The following MBD1 variants were observed in gnomAD, a reference collection of about 807,000 sequenced individuals.
MBD1 encodes methyl-CpG-binding domain protein 1.
A neutral mutation model predicts 82.6 loss-of-function variants in MBD1; 25 were observed. The ratio of observed to expected loss-of-function variants is 0.30; its 90% CI spans 0.22 to 0.42. The LOEUF (loss-of-function observed/expected upper bound fraction) is 0.42. Ranked by LOEUF, MBD1 falls within the 10% of genes least tolerant of loss-of-function variation. The probability of loss-of-function intolerance (pLI) is 1.00; values close to 1 mark genes in which losing one functional copy is unlikely to be tolerated. For synonymous variants in MBD1, 301 were observed against 303.7 expected (o/e 0.99, Z 0.09); for missense variants, 627 against 819.6 (o/e 0.76, Z 2.87).
intron 16 of MBD1, chr18:50,271,268 A>G (rs978461149): frequency 7.0e-7 from 1 of 1,435,982 alleles, no homozygotes; most frequent in Admixed American, 2.8e-5. Flanking sequence ...GGAGGAGAAG[A>G]TGCACCAACT....
At chr18:50,270,383 AG>A (rs1223388778) in intron 16 of MBD1, 2 of 542,320 alleles carry the variant, frequency 3.7e-6, no homozygotes, top group African/African-American at 3.7e-5. Context: ...GAATTGGGAG[AG>A]AGTGAGGTAG....
Position 50,273,598 on chromosome 18 carries a change from C to G in MBD1, c.1412G>C (p.Gly471Ala). 6.2e-7 allele frequency: 1 copy of G among 1,613,002 alleles called. No homozygotes were observed. The highest frequency in any genetic ancestry group is 8.5e-7 in the Non-Finnish European group (1 of 1,179,986). The change falls in exon 12 of 17, where the codon GGC becomes GCC. Residue 471 changes from glycine to alanine, a missense_variant. By Grantham distance (60) the Gly-to-Ala change is moderately conservative. Transcript: ENST00000269468. Reference protein sequence around the residue: ...EGASSPVQVPGPVAASTEALL... With the variant: ...EGASSPVQVPAPVAASTEALL... ...GGCTTCTGTGGAAGCTGCAACAGGGCCCGGCACCTGCACAGGACTGCTTGC... is the reference window on the plus strand; with the variant it reads ...GGCTTCTGTGGAAGCTGCAACAGGGGCCGGCACCTGCACAGGACTGCTTGC...
Position 50,273,699 on chromosome 18 carries a change from A to G in MBD1, c.1311T>C (p.Ala437=), listed in dbSNP as rs772267330. Residue 437 remains alanine (A), a synonymous_variant, in exon 12 of 17, where the codon GCT becomes GCC. Coordinates refer to ENST00000269468, the MANE Select transcript of MBD1 (RefSeq NM_015846.4). ...TRTAQPDHTQ[A]PTKQEAGGGF... is the part of the protein sequence containing the mutation. ...CACCACCTGCTTCCTGCTTCGTTGG[A>G]GCCTGGGTATGGTCTGGTTGGGCTG... 9.3e-6 allele frequency: 15 copies of G among 1,614,014 alleles called. No individual in the cohort carries two copies.
At chr18:50,273,298 C>T in intron 13 of MBD1, 36 bp downstream of exon 13, 1 of 1,612,896 alleles carries the variant, frequency 6.2e-7, no homozygotes, top group Non-Finnish European at 8.5e-7. Context: ...GACCACTCCG[C>T]TACGGCACCA....
At chr18:50,273,022 C>T in intron 13 of MBD1, 67 bp from the exon 14 acceptor site, 1 of 1,588,532 alleles carries the variant, frequency 6.3e-7, no homozygotes, top group Non-Finnish European at 8.6e-7. Flanking sequence ...TCTCTATCAG[C>T]CAACCCCTCA....
downstream of MBD1, chr18:50,267,530 C>CAGA (rs1670322167): frequency 7.0e-6 from 8 of 1,148,750 alleles, no homozygotes; most frequent in Non-Finnish European, 1.0e-5. Flanking sequence ...GGATGTGGAT[C>CAGA]AGAAGTCCAG....
rs1437485109 is a variant in MBD1, at chr18:50,277,092, T to C, written c.223A>G (p.Lys75Glu). ...AGGTATCTCATGTTGTGAAGTACCT[T>C]GGGGGCTGGATAGCACAAGATGCCT... ...KQGILCYPAPKAHPVAVASKK... is the reference protein window; with the variant it reads ...KQGILCYPAPEAHPVAVASKK... The change falls in exon 3 of 17, where the codon AAG becomes GAG. Residue 75 changes from lysine (K) to glutamate (E), a missense_variant and splice_region_variant. Coordinates refer to ENST00000269468, the MANE Select transcript of MBD1 (RefSeq NM_015846.4). The C allele has an allele frequency of 1.9e-6, 3 of 1,614,020 alleles. No homozygotes were observed. The highest frequency in any genetic ancestry group is 1.7e-5 in the Admixed American group (1 of 60,004).
At chr18:50,273,148 G>A (rs1301080772) in intron 13 of MBD1, 186 bp downstream of exon 13, 2 of 1,187,282 alleles carry the variant, frequency 1.7e-6, no homozygotes, top group African/African-American at 3.0e-5. Flanking sequence ...TAGCTGGATA[G>A]CAAAGCGGGC....
chr18:50,279,240 C>T (rs1256650776), intron 2 of MBD1, among the ~76,000 whole-genome samples: 2 of 152,198 alleles, frequency 1.3e-5, no homozygotes, highest in Non-Finnish European at 2.9e-5. Context: ...ATGAACCCAC[C>T]AATGTAGCTG....
chr18:50,273,939 C>T (rs2036691353), intron 11 of MBD1, 76 bp from the exon 12 acceptor site: 1 of 1,552,362 alleles, frequency 6.4e-7, no homozygotes, highest in East Asian at 2.2e-5. Flanking sequence ...CTCCACATGC[C>T]TGCTAATCTC....
intron 6 of MBD1, 139 bp from the exon 7 acceptor site, chr18:50,276,120 G>C (rs746521542): frequency 8.6e-7 from 1 of 1,159,720 alleles, no homozygotes; most frequent in African/African-American, 1.5e-5. Context: ...GAGAAGGTCT[G>C]GTTAGTCACC....
At chr18:50,274,518 C>T (rs2147031286) in intron 10 of MBD1, among the ~76,000 whole-genome samples, 165 bp from the exon 11 acceptor site, 1 of 152,312 alleles carries the variant, frequency 6.6e-6, no homozygotes, top group South Asian at 2.1e-4. Flanking sequence ...TCAGCATTCG[C>T]TAGTTCAACA....
At chr18:50,274,873 G>A in intron 10 of MBD1, 104 bp downstream of exon 10, 3 of 1,170,568 alleles carry the variant, frequency 2.6e-6, no homozygotes, top group Non-Finnish European at 3.8e-6. Flanking sequence ...ACCCATTATT[G>A]TGCCTTGCTG....
intron 15 of MBD1, among the ~76,000 whole-genome samples, chr18:50,271,906 T>C (rs538312545): frequency 6.6e-6 from 1 of 152,272 alleles, no homozygotes; most frequent in South Asian, 2.1e-4. Flanking sequence ...CTTAGGCCAA[T>C]AGTTTACATC....
chr18:50,279,645 GAC>G (rs2039435621), intron 2 of MBD1: 4 of 507,090 alleles, frequency 7.9e-6, no homozygotes, highest in South Asian at 2.3e-5. Flanking sequence ...TGCATTGAGT[GAC>G]AGTTTTTCAC....
chr18:50,269,990 G>A (rs2145316359), intron 16 of MBD1, 172 bp from the exon 17 acceptor site: 1 of 1,592,810 alleles, frequency 6.3e-7, no homozygotes, highest in African/African-American at 1.3e-5. Context: ...TAAATGGTCA[G>A]CAGAAGCTTA....
intron 15 of MBD1, among the ~76,000 whole-genome samples, chr18:50,271,950 A>G (rs571889983): frequency 9.3e-4 from 142 of 152,344 alleles, no homozygotes; most frequent in African/African-American, 3.3e-3. Flanking sequence ...GGGTCTGTCA[A>G]TATTCTGCAG....
At chr18:50,267,522 A>T (rs1403678110), downstream of MBD1, 1 of 1,034,894 alleles carries the variant, frequency 9.7e-7, no homozygotes, top group Non-Finnish European at 1.5e-6. Context: ...CAGGGTCAGG[A>T]TGTGGATCAG....
At chr18:50,278,027 C>T (rs113750569) in intron 2 of MBD1, among the ~76,000 whole-genome samples, 35 of 152,288 alleles carry the variant, frequency 2.3e-4, no homozygotes, top group African/African-American at 7.9e-4. Flanking sequence ...TGCCTGAAAC[C>T]GTGGATAGTA....
Sources: gnomAD v4.1 joint callset for allele counts (sites outside exome capture counted in the v4.1 genomes callset) on GRCh38, gnomAD v4.1.1 for gene constraint, MANE v1.5 for transcripts, NCBI Gene and HGNC (gene_info 2026-07-23, HGNC 2026-07-21) for gene names.